The following SDE2 variants were observed in gnomAD, a reference collection of about 807,000 sequenced individuals.
The protein encoded by SDE2 is splicing regulator SDE2.
In SDE2, 31 loss-of-function variants were observed where a neutral mutation model predicts 46.9. The ratio of observed to expected loss-of-function variants is 0.66; its 90% confidence interval spans 0.50 to 0.89. The LOEUF is 0.89. Ranked by LOEUF, SDE2 falls within the 40% of genes least tolerant of loss-of-function variation. SDE2 has a pLI of 0.00. For missense variants in SDE2, 542 were observed against 564.4 expected, an observed-to-expected ratio of 0.96 and a Z score of 0.40; for synonymous variants, 205 against 204.3, an observed-to-expected ratio of 1.00 and a Z score of -0.03.
intron 1 of SDE2, among the ~76,000 whole-genome samples, chr1:225,996,490 A>G (rs1287072526): frequency 1.3e-5 from 2 of 152,162 alleles, no homozygotes; most frequent in Non-Finnish European, 2.9e-5. Flanking sequence ...TGCATTTTCT[A>G]CTTAAGATTC....
intron 2 of SDE2, among the ~76,000 whole-genome samples, chr1:225,993,871 T>C (rs961962749): frequency 1.3e-5 from 2 of 151,226 alleles, no homozygotes; most frequent in African/African-American, 2.4e-5. Flanking sequence ...CTGGGCTCAA[T>C]GGATCCTCTT....
intron 4 of SDE2, 123 bp from the exon 5 acceptor site, chr1:225,991,486 C>A: frequency 1.5e-6 from 1 of 668,918 alleles, no homozygotes; most frequent in South Asian, 2.1e-5. Flanking sequence ...CTTAAGATAC[C>A]AACATTTTAT....
intron 5 of SDE2, 47 bp from the exon 6 acceptor site, chr1:225,988,435 T>C (rs1656320355): frequency 6.3e-7 from 1 of 1,598,416 alleles, no homozygotes; most frequent in Non-Finnish European, 8.5e-7. Context: ...AGCTTCTATT[T>C]AAAGCAAAGA....
At position 225,988,630 on chromosome 1, in the gene SDE2, G is replaced by A. The variant is rs567786182; in HGVS notation, c.642-242C>T. 1.2e-3 allele frequency among the ~76,000 whole-genome samples: 177 copies of A among 152,314 alleles called. 2 individuals are homozygous for A. Among genetic ancestry groups the A allele is most frequent in the Non-Finnish European group, 2.0e-3 (136 of 68,030 alleles). Reference sequence around the variant, plus strand: ...TATAGTCCCAGCTACTCAGGAGGCTGAGGCAGGAGAATCACCTGAACCTGG... The same window carrying A: ...TATAGTCCCAGCTACTCAGGAGGCTAAGGCAGGAGAATCACCTGAACCTGG... On this transcript the variant is annotated intron_variant, in intron 5 of 6. Transcript: ENST00000272091.
At chr1:225,988,966 C>T (rs973619951) in intron 5 of SDE2, among the ~76,000 whole-genome samples, 2 of 152,152 alleles carry the variant, frequency 1.3e-5, no homozygotes, top group Admixed American at 6.6e-5. Flanking sequence ...TTTCTTCCCC[C>T]GCATTACATT....
intron 2 of SDE2, among the ~76,000 whole-genome samples, chr1:225,993,521 AG>A (rs1656451119): frequency 6.6e-6 from 1 of 151,984 alleles, no homozygotes; most frequent in South Asian, 2.1e-4. Flanking sequence ...CTGAGGCAGG[AG>A]AATGGCGTGA....
chr1:225,991,530 G>A (rs151015338), intron 4 of SDE2, among the ~76,000 whole-genome samples, 167 bp from the exon 5 acceptor site: 2 of 151,692 alleles, frequency 1.3e-5, no homozygotes, highest in East Asian at 3.9e-4. Context: ...GATTTAAAAT[G>A]ATAAACATTC....
At chr1:225,992,652 G>A (rs919894197) in intron 3 of SDE2, 85 bp from the exon 4 acceptor site, 2 of 909,436 alleles carry the variant, frequency 2.2e-6, no homozygotes, top group Non-Finnish European at 3.4e-6. Context: ...ACGAATTAAT[G>A]CACTTGTTCA....
At chr1:225,986,420 T>C (rs1401146398) in intron 6 of SDE2, among the ~76,000 whole-genome samples, 1 of 152,210 alleles carries the variant, frequency 6.6e-6, no homozygotes, top group Non-Finnish European at 1.5e-5. Flanking sequence ...ATTTTTTATA[T>C]TCAAAGAATA....
intron 5 of SDE2, 105 bp from the exon 6 acceptor site, chr1:225,988,493 G>C (rs1576174105): frequency 9.3e-7 from 1 of 1,080,914 alleles, no homozygotes; most frequent in Non-Finnish European, 1.3e-6. Context: ...GACTTTGGGA[G>C]GCCAAGGCAG....
intron 3 of SDE2, 76 bp from the exon 4 acceptor site, chr1:225,992,643 C>T (rs913115706): frequency 1.0e-5 from 10 of 955,626 alleles, no homozygotes; most frequent in African/African-American, 5.0e-5. Flanking sequence ...ATGTCTCTGA[C>T]GAATTAATGC....
rs745478969 is a variant in SDE2, at chr1:225,985,310, T to A, written c.1348A>T (p.Lys450Ter). 6.8e-6 allele frequency: 11 copies of A among 1,613,422 alleles called. No homozygotes were observed. Among genetic ancestry groups the A allele is most frequent in the East Asian group, 4.5e-5 (2 of 44,894 alleles). Residue 450 changes from lysine (K) to a stop codon, truncating the protein, a stop_gained, in exon 7 of 7, where the codon AAA (lysine) becomes TAA (stop). Transcript: ENST00000272091. LOFTEE classifies it high-confidence loss of function. Reference protein sequence around the residue: ...ALFAKPLKGKKK With the variant: ...ALFAKPLKGK ...ATCAGCTCTGATGATACTCATTTTT[T>A]CTTCCCTTTCAAAGGCTTGGCAAAT...
intron 1 of SDE2, among the ~76,000 whole-genome samples, chr1:225,998,102 C>G (rs1431924097): frequency 6.6e-6 from 1 of 151,086 alleles, no homozygotes; most frequent in Admixed American, 6.6e-5. Flanking sequence ...CACTCCAGCC[C>G]GGGCAACGGG....
At chr1:225,986,362 T>C (rs1361167350) in intron 6 of SDE2, among the ~76,000 whole-genome samples, 9 of 151,212 alleles carry the variant, frequency 6.0e-5, no homozygotes, top group Non-Finnish European at 1.0e-4. Flanking sequence ...CAAAATTAAA[T>C]ACTGCTAATG....
intron 1 of SDE2, among the ~76,000 whole-genome samples, chr1:225,998,273 A>G (rs1329781588): frequency 6.6e-6 from 1 of 152,244 alleles, no homozygotes; most frequent in East Asian, 1.9e-4. Context: ...GAAAACATGG[A>G]AAGTGAAAAA....
In SDE2 at chr1:225,984,271, A is replaced by G. The variant is rs1656220047; in HGVS notation, c.*1031T>C. 1 of 152,126 alleles carries G rather than the reference A, an allele frequency of 6.6e-6. No individual in the cohort carries two copies. Among genetic ancestry groups the G allele is most frequent in the Non-Finnish European group, 1.5e-5 (1 of 68,014 alleles). The allele number at this position is 152,126 out of a possible 1,614,324, so 9.4% of individuals were successfully genotyped here. On this transcript the variant is annotated 3_prime_UTR_variant, in exon 7 of 7. Transcript: ENST00000272091. ...TCAAAAAGAAAAAAAAAAGAAAATT[A>G]GAACTGAATAATAAAAATACGACAT...
intron 6 of SDE2, among the ~76,000 whole-genome samples, chr1:225,987,219 G>T (rs1003678997): frequency 6.6e-6 from 1 of 151,848 alleles, no homozygotes; most frequent in African/African-American, 2.4e-5. Context: ...AATTTTTGTT[G>T]TTGTTGTATT....
Position 225,992,732 on chromosome 1 carries a change from AGAT to A in SDE2, c.350+156_350+158del, listed in dbSNP as rs1356333086. 2.0e-5 allele frequency among the ~76,000 whole-genome samples: 3 copies of A among 152,240 alleles called. 1 individual carries two copies. Among genetic ancestry groups the A allele is most frequent in the African/African-American group, 7.2e-5 (3 of 41,468 alleles). ...CATATGGTACTGAACTTAATCCCAA[AGAT>A]GATTATTAAATTATGGAAAAGGTTA... On this transcript the variant is annotated intron_variant, in intron 3 of 6. Coordinates refer to ENST00000272091, the MANE Select transcript of SDE2 (RefSeq NM_152608.4).
At chr1:225,991,580 T>C (rs1040366386) in intron 4 of SDE2, among the ~76,000 whole-genome samples, 23 of 152,282 alleles carry the variant, frequency 1.5e-4, no homozygotes, top group Admixed American at 1.0e-3. Flanking sequence ...ACTGCACAAT[T>C]TGTAACCTTG....
Sources: gnomAD v4.1 joint callset for allele counts (sites outside exome capture counted in the v4.1 genomes callset) on GRCh38, gnomAD v4.1.1 for gene constraint, MANE v1.5 for transcripts, NCBI Gene and HGNC (gene_info 2026-07-23, HGNC 2026-07-21) for gene names.